Variants in SETD3 observed in about 807,000 individuals in gnomAD.
SETD3 encodes the protein SET domain containing 3, actin N3(tau)-histidine methyltransferase.
In SETD3, 19 loss-of-function variants were observed where a neutral mutation model predicts 63.0. The ratio of observed to expected loss-of-function variants is 0.30; its 90% confidence interval spans 0.21 to 0.44. The LOEUF (loss-of-function observed/expected upper bound fraction) is 0.44, where lower values mean the gene tolerates loss of function less well. Ranked by LOEUF, SETD3 falls within the 20% of genes least tolerant of loss-of-function variation. SETD3 has a pLI of 1.00. For synonymous variants in SETD3, 286 were observed against 264.1 expected (o/e 1.08, Z -0.80); for missense variants, 587 against 728.5 (o/e 0.81, Z 2.24).
At chr14:99,442,193 G>C (rs918299769) in intron 6 of SETD3, among the ~76,000 whole-genome samples, 1 of 152,162 alleles carries the variant, frequency 6.6e-6, no homozygotes, top group Non-Finnish European at 1.5e-5. Context: ...CAGTTCCTCA[G>C]TAAAATAAAA....
intron 1 of SETD3, among the ~76,000 whole-genome samples, chr14:99,470,752 T>C (rs1322034664): frequency 6.6e-6 from 1 of 152,172 alleles, no homozygotes; most frequent in East Asian, 1.9e-4. Context: ...TAAGATTCCT[T>C]TGTCTCTGGG....
chr14:99,410,425 C>T (rs1891923326), intron 8 of SETD3, among the ~76,000 whole-genome samples: 1 of 152,154 alleles, frequency 6.6e-6, no homozygotes, highest in Non-Finnish European at 1.5e-5. Context: ...GCCTGAATTT[C>T]CAGCTGCCCT....
chr14:99,461,829 G>GT (rs1895079515), intron 3 of SETD3, among the ~76,000 whole-genome samples: 1 of 152,248 alleles, frequency 6.6e-6, no homozygotes, highest in Non-Finnish European at 1.5e-5. Context: ...CTGTAGAGCT[G>GT]TAAGCCAGAA....
chr14:99,471,296 A>G (rs1448826863), intron 1 of SETD3, among the ~76,000 whole-genome samples: 2 of 152,248 alleles, frequency 1.3e-5, no homozygotes, highest in Non-Finnish European at 2.9e-5. Context: ...ATTGCTCCCA[A>G]CAGTGATTAA....
intron 3 of SETD3, 115 bp downstream of exon 3, chr14:99,463,371 G>A: frequency 1.3e-6 from 1 of 762,058 alleles, no homozygotes; most frequent in Non-Finnish European, 2.2e-6. Context: ...CCCAGTACAA[G>A]ACCTTTCAGA....
chr14:99,420,241 C>T (rs1192953600), intron 6 of SETD3, among the ~76,000 whole-genome samples: 1 of 152,202 alleles, frequency 6.6e-6, no homozygotes, highest in Non-Finnish European at 1.5e-5. Flanking sequence ...TCTTCCCCTC[C>T]AGTCCCCACA....
chr14:99,421,825 A>G (rs1381372144), intron 6 of SETD3, among the ~76,000 whole-genome samples: 1 of 152,220 alleles, frequency 6.6e-6, no homozygotes, highest in Non-Finnish European at 1.5e-5. Flanking sequence ...GCAACAATCC[A>G]GACAAGAGTT....
intron 11 of SETD3, among the ~76,000 whole-genome samples, chr14:99,403,255 C>T (rs371161030): frequency 1.5e-4 from 23 of 152,274 alleles, no homozygotes; most frequent in Admixed American, 7.8e-4. Context: ...CAGTGACCGC[C>T]GAGCACAGCA....
chr14:99,472,522 A>G (rs1895758631), intron 1 of SETD3, among the ~76,000 whole-genome samples: 1 of 152,254 alleles, frequency 6.6e-6, no homozygotes, highest in Non-Finnish European at 1.5e-5. Flanking sequence ...AACAAATGAG[A>G]CACTCAAATA....
At chr14:99,482,060 T>C (rs750913485), upstream of SETD3, among the ~76,000 whole-genome samples, 6 of 152,196 alleles carry the variant, frequency 3.9e-5, no homozygotes, top group Non-Finnish European at 8.8e-5. Context: ...TGAGAGAAAT[T>C]GTTCTTTAGA....
At chr14:99,442,750 T>C (rs1297136345) in intron 6 of SETD3, among the ~76,000 whole-genome samples, 1 of 152,250 alleles carries the variant, frequency 6.6e-6, no homozygotes, top group African/African-American at 2.4e-5. Context: ...GTAAGGCCTC[T>C]GGTCAACAGT....
intron 11 of SETD3, among the ~76,000 whole-genome samples, chr14:99,403,455 ACTCTCT>A (rs55804663): frequency 0.018 from 2,400 of 135,458 alleles, 27 homozygotes; most frequent in East Asian, 0.033. Context: ...ACACACACAC[ACTCTCT>A]CTCTCTCTCT....
intron 6 of SETD3, among the ~76,000 whole-genome samples, chr14:99,434,847 C>CAAAAAAAAAAAAA (rs71110599): frequency 2.3e-4 from 7 of 30,430 alleles, no homozygotes; most frequent in African/African-American, 8.7e-4. Flanking sequence ...AACTCTGCCT[C>CAAAAAAAAAAAAA]AAAAAAAAAA....
At chr14:99,429,500 A>G (rs1893058041) in intron 6 of SETD3, among the ~76,000 whole-genome samples, 1 of 152,236 alleles carries the variant, frequency 6.6e-6, no homozygotes, top group Non-Finnish European at 1.5e-5. Flanking sequence ...AACGGGATGT[A>G]AGAGACTTTG....
At chr14:99,418,092 G>A (rs975436849) in intron 6 of SETD3, among the ~76,000 whole-genome samples, 12 of 152,148 alleles carry the variant, frequency 7.9e-5, no homozygotes, top group Admixed American at 6.5e-5. Flanking sequence ...TCATAGAAAT[G>A]ACTCTTCTAA....
chr14:99,459,047 T>C, intron 5 of SETD3, 66 bp downstream of exon 5: 1 of 1,255,498 alleles, frequency 8.0e-7, no homozygotes, highest in Non-Finnish European at 1.1e-6. Context: ...CTTAGTGCCA[T>C]AAAATGGAAT....
chr14:99,399,774 G>T (rs900421828), intron 12 of SETD3, among the ~76,000 whole-genome samples: 2 of 132,706 alleles, frequency 1.5e-5, no homozygotes, highest in Admixed American at 8.0e-5. Context: ...TTTTTGAGAC[G>T]GAGTCTTGCT....
At chr14:99,478,554 G>T (rs909945828) in intron 1 of SETD3, among the ~76,000 whole-genome samples, 2 of 152,122 alleles carry the variant, frequency 1.3e-5, no homozygotes, top group African/African-American at 4.8e-5. Flanking sequence ...AAACTGGTAC[G>T]CCTCAAACTA....
intron 6 of SETD3, among the ~76,000 whole-genome samples, chr14:99,428,195 T>C (rs557587451): frequency 2.6e-5 from 4 of 152,332 alleles, no homozygotes; most frequent in East Asian, 1.9e-4. Context: ...TTACTTCACA[T>C]GTAAAATGAA....
Sources: allele counts gnomAD v4.1 joint callset (sites outside exome capture counted in the v4.1 genomes callset), GRCh38; gene constraint gnomAD v4.1.1; transcripts MANE v1.5; gene names NCBI Gene and HGNC (gene_info 2026-07-23, HGNC 2026-07-21).